The following PCDH15 variants were observed in gnomAD, a reference collection of about 807,000 sequenced individuals.
PCDH15 encodes protocadherin-15.
A neutral mutation model predicts 178.5 loss-of-function variants in PCDH15; 129 were observed. The observed-to-expected ratio is 0.72, with a 90% CI of 0.63 to 0.84. The LOEUF (loss-of-function observed/expected upper bound fraction) is 0.84, where lower values mean the gene tolerates loss of function less well. PCDH15 is among the 40% of genes least tolerant of loss of function. PCDH15 has a pLI of 0.00. For synonymous variants in PCDH15, 800 were observed against 732.0 expected, an observed-to-expected ratio of 1.09 and a Z score of -1.50; for missense variants, 2,230 against 2,099.9, an observed-to-expected ratio of 1.06 and a Z score of -1.21.
At chr10:54,437,007 A>G (rs1437996093) in intron 3 of PCDH15, among the ~76,000 whole-genome samples, 1 of 152,172 alleles carries the variant, frequency 6.6e-6, no homozygotes, top group Admixed American at 6.5e-5. Context: ...AAAACTCACA[A>G]AGCCCTGATT....
At chr10:55,273,733 G>A (rs1225538217) in intron 1 of PCDH15, among the ~76,000 whole-genome samples, 4 of 152,074 alleles carry the variant, frequency 2.6e-5, no homozygotes, top group Non-Finnish European at 5.9e-5. Context: ...ATAGAGAGAT[G>A]TAGAGAAATT....
At chr10:54,857,312 T>C (rs1457201068) in intron 3 of PCDH15, among the ~76,000 whole-genome samples, 2 of 152,144 alleles carry the variant, frequency 1.3e-5, no homozygotes, top group Admixed American at 6.6e-5. Context: ...GAGATAAAAA[T>C]CTCAAAAATG....
At chr10:55,146,310 T>G (rs957942896) in intron 2 of PCDH15, among the ~76,000 whole-genome samples, 5 of 152,106 alleles carry the variant, frequency 3.3e-5, no homozygotes, top group Non-Finnish European at 5.9e-5. Context: ...TGAGCTCAGC[T>G]GGCAGTAAGA....
At chr10:54,647,426 T>A (rs894707696) in intron 2 of PCDH15, among the ~76,000 whole-genome samples, 2 of 151,382 alleles carry the variant, frequency 1.3e-5, no homozygotes, top group Admixed American at 1.3e-4. Context: ...AAGATAAAAA[T>A]TCTAGAAACC....
At chr10:55,071,602 C>G (rs995316161) in intron 2 of PCDH15, among the ~76,000 whole-genome samples, 1 of 152,000 alleles carries the variant, frequency 6.6e-6, no homozygotes, top group African/African-American at 2.4e-5. Context: ...TAAAGCAAGT[C>G]CTGAGTGACC....
chr10:54,498,731 G>A (rs1313070179), intron 3 of PCDH15, among the ~76,000 whole-genome samples: 1 of 152,094 alleles, frequency 6.6e-6, no homozygotes, highest in Non-Finnish European at 1.5e-5. Context: ...AATTCAGCAA[G>A]AAGACTTAAC....
At chr10:54,548,568 T>C (rs1346952573) in intron 2 of PCDH15, among the ~76,000 whole-genome samples, 1 of 146,678 alleles carries the variant, frequency 6.8e-6, no homozygotes, top group African/African-American at 2.5e-5. Flanking sequence ...TATAAATTAT[T>C]ATATAATATA....
At chr10:55,268,222 A>G (rs1842351110) in intron 1 of PCDH15, among the ~76,000 whole-genome samples, 1 of 152,166 alleles carries the variant, frequency 6.6e-6, no homozygotes, top group East Asian at 1.9e-4. Context: ...TTACAAGCTT[A>G]GAGAGAATAA....
At position 54,811,758 on chromosome 10, in the gene PCDH15, C is replaced by T. The variant is rs542108916; in HGVS notation, c.-29+85692G>A. On this transcript the variant is annotated intron_variant, in intron 3 of 5. Coordinates refer to the PCDH15 transcript ENST00000458638. Reference sequence around the variant, plus strand: ...TGCTGGGATTACAGGCGTGAGCCACCGCACCTGGCCAGTTATAGCTAAATA... The same window carrying T: ...TGCTGGGATTACAGGCGTGAGCCACTGCACCTGGCCAGTTATAGCTAAATA... Among the ~76,000 whole-genome samples the T allele has an allele frequency of 8.5e-5, 13 of 152,246 alleles. No homozygotes were observed. In the East Asian group the frequency reaches 2.1e-3, roughly 25 times the overall value.
chr10:54,778,197 C>T (rs1190284673), intron 1 of PCDH15, among the ~76,000 whole-genome samples: 1 of 152,144 alleles, frequency 6.6e-6, no homozygotes, highest in Non-Finnish European at 1.5e-5. Flanking sequence ...TTGCACTGAT[C>T]GAGATGGGTG....
intron 1 of PCDH15, among the ~76,000 whole-genome samples, chr10:54,717,636 A>C (rs2095497235): frequency 7.6e-6 from 1 of 131,746 alleles, no homozygotes; most frequent in South Asian, 2.4e-4. Flanking sequence ...GATGTGGAGA[A>C]ATAGGAACAC....
rs572366545 is a variant in PCDH15, at chr10:55,094,307, C to T, written c.-80+72269G>A. Among the ~76,000 whole-genome samples the T allele has an allele frequency of 5.2e-3, 789 of 151,930 alleles. 7 individuals carry two copies. The highest frequency in any genetic ancestry group is 0.018 in the African/African-American group (728 of 41,436). Reference sequence around the variant, plus strand: ...ATCGCAAGGACAGAAAACCAAACACCGCATGTTCTCACTCATAGGTGGGAA... The same window carrying T: ...ATCGCAAGGACAGAAAACCAAACACTGCATGTTCTCACTCATAGGTGGGAA... On this transcript the variant is annotated intron_variant, in intron 2 of 5. Transcript: ENST00000458638.
chr10:53,892,556 C>A (rs2081646114), intron 26 of PCDH15, among the ~76,000 whole-genome samples: 1 of 151,886 alleles, frequency 6.6e-6, no homozygotes, highest in African/African-American at 2.4e-5. Flanking sequence ...AAAACATATG[C>A]AGAATTATTT....
intron 8 of PCDH15, among the ~76,000 whole-genome samples, chr10:54,257,451 C>T (rs2132221886): frequency 7.3e-6 from 1 of 136,218 alleles, no homozygotes; most frequent in Non-Finnish European, 1.5e-5. Flanking sequence ...TCTCAATCCA[C>T]AAATCCAGTG....
intron 2 of PCDH15, among the ~76,000 whole-genome samples, chr10:55,489,462 T>C (rs1257576835): frequency 6.6e-6 from 1 of 151,724 alleles, no homozygotes; most frequent in Non-Finnish European, 1.5e-5. Context: ...CTTTAAAATA[T>C]GTGTTTTTAA....
At chr10:55,282,645 A>AAT in intron 1 of PCDH15, among the ~76,000 whole-genome samples, 1 of 152,188 alleles carries the variant, frequency 6.6e-6, no homozygotes, top group Non-Finnish European at 1.5e-5. Flanking sequence ...TTATTTACAA[A>AAT]TATAATTTTT....
At chr10:55,304,867 A>G (rs973138847) in intron 1 of PCDH15, among the ~76,000 whole-genome samples, 1 of 152,360 alleles carries the variant, frequency 6.6e-6, no homozygotes, top group South Asian at 2.1e-4. Flanking sequence ...CTTATATCAT[A>G]CTTGATAATT....
chr10:54,853,241 C>T (rs1252955638), intron 3 of PCDH15, among the ~76,000 whole-genome samples: 1 of 145,472 alleles, frequency 6.9e-6, no homozygotes, highest in Non-Finnish European at 1.5e-5. Flanking sequence ...GCCTGGGCAA[C>T]AAGAGCTAAA....
chr10:53,987,746 T>C (rs2091208349), intron 21 of PCDH15, among the ~76,000 whole-genome samples: 1 of 152,094 alleles, frequency 6.6e-6, no homozygotes, highest in Non-Finnish European at 1.5e-5. Context: ...CTATGGTCCT[T>C]CATTTAAATT....
Sources: allele counts gnomAD v4.1 joint callset (sites outside exome capture counted in the v4.1 genomes callset), GRCh38; gene constraint gnomAD v4.1.1; transcripts MANE v1.5; gene names NCBI Gene and HGNC (gene_info 2026-07-23, HGNC 2026-07-21).